Variants in PID1 observed in about 807,000 individuals in gnomAD.
PID1 encodes the protein phosphotyrosine interaction domain containing 1.
PID1 carries 10 observed loss-of-function variants against 19.1 expected under a neutral mutation model. That is an observed-to-expected ratio of 0.52 (90% CI 0.32 to 0.89). The LOEUF (loss-of-function observed/expected upper bound fraction) is 0.89, where lower values mean the gene tolerates loss of function less well. Ranked by LOEUF, PID1 falls within the 40% of genes least tolerant of loss-of-function variation. The probability of loss-of-function intolerance (pLI) is 0.03; values close to 1 mark genes in which losing one functional copy is unlikely to be tolerated. For missense variants in PID1, 248 were observed against 285.3 expected, an observed-to-expected ratio of 0.87 and a Z score of 0.94; for synonymous variants, 130 against 116.0, an observed-to-expected ratio of 1.12 and a Z score of -0.78.
chr2:229,227,872 T>C (rs972266890), intron 1 of PID1: 1 of 427,224 alleles, frequency 2.3e-6, no homozygotes, highest in Non-Finnish European at 4.7e-6. Context: ...TACACTATAT[T>C]AGGTATTGTA....
intron 2 of PID1, among the ~76,000 whole-genome samples, chr2:229,038,877 T>C (rs1208403095): frequency 1.3e-5 from 2 of 152,198 alleles, no homozygotes; most frequent in African/African-American, 4.8e-5. Context: ...AGTAAGCAAA[T>C]CCTTACCTGT....
At chr2:229,251,944 T>TAAAAAAAAAAAAAAAAAAGA (rs1690162613) in intron 1 of PID1, among the ~76,000 whole-genome samples, 1 of 71,472 alleles carries the variant, frequency 1.4e-5, no homozygotes, top group Non-Finnish European at 2.9e-5. Flanking sequence ...AACCATAAGC[T>TAAAAAAAAAAAAAAAAAAGA]AAAAAAAAAA....
chr2:229,166,492 AATTC>A (rs1172932929), intron 1 of PID1, among the ~76,000 whole-genome samples: 1 of 152,182 alleles, frequency 6.6e-6, no homozygotes, highest in African/African-American at 2.4e-5. Context: ...ATGGCCCTTT[AATTC>A]ATTCAAATGG....
intron 1 of PID1, among the ~76,000 whole-genome samples, chr2:229,232,711 C>T (rs1692237254): frequency 1.3e-5 from 2 of 148,946 alleles, no homozygotes; most frequent in South Asian, 4.2e-4. Context: ...TATATACACA[C>T]ATTCCAATAT....
At chr2:229,169,012 TC>T (rs1559266650) in intron 1 of PID1, among the ~76,000 whole-genome samples, 1 of 152,128 alleles carries the variant, frequency 6.6e-6, no homozygotes. Context: ...TTCTTTGTAC[TC>T]CTGAGGCTAG....
intron 1 of PID1, among the ~76,000 whole-genome samples, chr2:229,160,358 A>C (rs1690467346): frequency 8.9e-6 from 1 of 112,206 alleles, no homozygotes; most frequent in Admixed American, 1.1e-4. Flanking sequence ...ACAGATAAAC[A>C]GAAAAAGAAA....
At chr2:229,253,235 C>T (rs925938497) in intron 1 of PID1, among the ~76,000 whole-genome samples, 2 of 152,198 alleles carry the variant, frequency 1.3e-5, no homozygotes, top group African/African-American at 2.4e-5. Flanking sequence ...GCATCCCTGA[C>T]ACTATTTCCA....
At chr2:229,032,496 A>G (rs1406433719) in intron 2 of PID1, among the ~76,000 whole-genome samples, 1 of 152,200 alleles carries the variant, frequency 6.6e-6, no homozygotes, top group Non-Finnish European at 1.5e-5. Flanking sequence ...CCAGAGCCAC[A>G]AAGTAGACAG....
At chr2:229,240,088 A>G (rs1288645111) in intron 1 of PID1, among the ~76,000 whole-genome samples, 1 of 152,202 alleles carries the variant, frequency 6.6e-6, no homozygotes, top group Non-Finnish European at 1.5e-5. Context: ...TGTTATTAGA[A>G]GAAAGAAAAG....
At chr2:229,218,691 G>A (rs1390228283) in intron 1 of PID1, among the ~76,000 whole-genome samples, 3 of 152,126 alleles carry the variant, frequency 2.0e-5, no homozygotes, top group Admixed American at 1.3e-4. Context: ...TCCAGGTTAG[G>A]AGCCCTGGGA....
chr2:229,028,543 A>G (rs1374025223), intron 2 of PID1, among the ~76,000 whole-genome samples: 1 of 152,244 alleles, frequency 6.6e-6, no homozygotes, highest in Non-Finnish European at 1.5e-5. Flanking sequence ...ATAAGTAATT[A>G]ATATCTGGAA....
chr2:229,153,974 G>A (rs979886888), intron 2 of PID1, among the ~76,000 whole-genome samples: 3 of 152,070 alleles, frequency 2.0e-5, no homozygotes, highest in African/African-American at 4.8e-5. Context: ...AATGTATAAC[G>A]AATTTGATCT....
chr2:229,132,754 A>C (rs900937324), intron 2 of PID1, among the ~76,000 whole-genome samples: 3 of 152,212 alleles, frequency 2.0e-5, no homozygotes, highest in Admixed American at 1.3e-4. Context: ...CCAATTCAAT[A>C]TGTAATTCCA....
At position 229,155,935 on chromosome 2, in the gene PID1, C is replaced by A; in HGVS notation, c.60G>T (p.Leu20Phe). The change falls in exon 2 of 3, where the codon TTG (leucine) becomes TTT (phenylalanine). Residue 20 changes from leucine (L) to phenylalanine (F), a missense_variant. Transcript: ENST00000392055. ...QHFQTMLKSK[L>F]NVLTLKKEPL... ...GTTCCTTTTTCAGTGTTAAGACATTCAATTTAGACTTCAGCATGGTCTGAA... is the reference window on the plus strand; with the variant it reads ...GTTCCTTTTTCAGTGTTAAGACATTAAATTTAGACTTCAGCATGGTCTGAA... 1.9e-6 allele frequency: 3 copies of A among 1,613,890 alleles called. No individual in the cohort carries two copies. Among genetic ancestry groups the A allele is most frequent in the Non-Finnish European group, 2.5e-6 (3 of 1,179,964 alleles).
intron 2 of PID1, among the ~76,000 whole-genome samples, chr2:229,032,454 T>C (rs1309050704): frequency 1.3e-5 from 2 of 152,186 alleles, no homozygotes; most frequent in Non-Finnish European, 2.9e-5. Context: ...TCTAGAGGAA[T>C]AATAGGCCCT....
At chr2:229,199,419 A>T (rs1055646887) in intron 1 of PID1, among the ~76,000 whole-genome samples, 4 of 152,016 alleles carry the variant, frequency 2.6e-5, no homozygotes, top group African/African-American at 9.7e-5. Context: ...GAACTCTCTC[A>T]TTCTCCACCA....
At chr2:229,206,127 C>T (rs1359123453) in intron 1 of PID1, among the ~76,000 whole-genome samples, 1 of 151,990 alleles carries the variant, frequency 6.6e-6, no homozygotes, top group Non-Finnish European at 1.5e-5. Context: ...TAAGTATACA[C>T]AAAATCACTT....
At chr2:229,251,665 T>G (rs1441425314) in intron 1 of PID1, among the ~76,000 whole-genome samples, 1 of 152,102 alleles carries the variant, frequency 6.6e-6, no homozygotes, top group Non-Finnish European at 1.5e-5. Context: ...TATCACACAT[T>G]TTCATATTTA....
At chr2:229,130,146 G>A (rs1689701119) in intron 2 of PID1, among the ~76,000 whole-genome samples, 1 of 152,176 alleles carries the variant, frequency 6.6e-6, no homozygotes, top group South Asian at 2.1e-4. Flanking sequence ...CTTGAACTTT[G>A]GTTGTAATTA....
Sources: gnomAD v4.1 joint callset for allele counts (sites outside exome capture counted in the v4.1 genomes callset) on GRCh38, gnomAD v4.1.1 for gene constraint, MANE v1.5 for transcripts, NCBI Gene and HGNC (gene_info 2026-07-23, HGNC 2026-07-21) for gene names.